The following ZNF223 variants were observed in gnomAD, a reference collection of about 807,000 sequenced individuals.
The protein encoded by ZNF223 is zinc finger protein 223.
ZNF223 carries 9 observed loss-of-function variants against 12.3 expected under a neutral mutation model. The ratio of observed to expected loss-of-function variants is 0.73; its 90% CI spans 0.44 to 1.28. The LOEUF is 1.28. ZNF223 is among the 50% of genes most tolerant of loss of function. ZNF223 has a pLI of 0.00. For synonymous variants in ZNF223, 171 were observed against 195.2 expected, an observed-to-expected ratio of 0.88 and a Z score of 1.03; for missense variants, 506 against 579.0, an observed-to-expected ratio of 0.87 and a Z score of 1.29.
At chr19:44,054,537 GT>G (rs36103129) in intron 1 of ZNF223, among the ~76,000 whole-genome samples, 37 of 149,186 alleles carry the variant, frequency 2.5e-4, no homozygotes, top group South Asian at 4.2e-4. Context: ...TGCATTAACA[GT>G]TTTTTTTTTA....
chr19:44,060,595 T>C lies in ZNF223; in HGVS notation c.142+14T>C. ...TGCTGTCAGTGGGTGAGGACAGGCA[T>C]CTTCTATAAGGGAATGTCAGGCCCC... On this transcript the variant is annotated intron_variant, in intron 3 of 4. Coordinates refer to ENST00000434772, the MANE Select transcript of ZNF223 (RefSeq NM_013361.6). The C allele has an allele frequency of 6.2e-7, 1 of 1,614,050 alleles. No homozygotes were observed. The highest frequency in any genetic ancestry group is 8.5e-7 in the Non-Finnish European group (1 of 1,179,976).
chr19:44,055,213 T>TA, intron 2 of ZNF223, 22 bp downstream of exon 2: 1 of 1,613,318 alleles, frequency 6.2e-7, no homozygotes, highest in Non-Finnish European at 8.5e-7. Flanking sequence ...TTGCCTCTCT[T>TA]ACTGTTAAAA....
At chr19:44,057,240 A>G (rs539791892) in intron 2 of ZNF223, among the ~76,000 whole-genome samples, 75 of 152,274 alleles carry the variant, frequency 4.9e-4, no homozygotes, top group Non-Finnish European at 6.0e-4. Context: ...TTAGAGAGGT[A>G]GGGAAAAAAG....
At position 44,060,601 on chromosome 19, in the gene ZNF223, A is replaced by G. The variant is rs770294771; in HGVS notation, c.142+20A>G. ...CAGTGGGTGAGGACAGGCATCTTCT[A>G]TAAGGGAATGTCAGGCCCCAGGAGT... On this transcript the variant is annotated intron_variant, in intron 3 of 4. Coordinates refer to ENST00000434772, the MANE Select transcript of ZNF223 (RefSeq NM_013361.6). 24 of 1,613,868 alleles carry G rather than the reference A, an allele frequency of 1.5e-5. No individual in the cohort carries two copies. Among genetic ancestry groups the G allele is most frequent in the African/African-American group, 4.0e-5 (3 of 74,928 alleles).
At position 44,067,270 on chromosome 19, in the gene ZNF223, A is replaced by G. The variant is rs966643975; in HGVS notation, c.1442A>G (p.Asp481Gly). The change falls in exon 5 of 5, where the codon GAC (aspartate) becomes GGC (glycine). Residue 481 changes from aspartate to glycine, a missense_variant. Asp to Gly is a moderately conservative substitution (Grantham distance 94, BLOSUM62 -1). Transcript: ENST00000434772. Reference sequence around the variant, plus strand: ...ATAATTTTATCATTATTTTTAAATGACACGTAAGTGTTGTACATATTTATG... The same window carrying G: ...ATAATTTTATCATTATTTTTAAATGGCACGTAAGTGTTGTACATATTTATG... ...LDIILSLFLN[D>G]T 2 of 1,606,766 alleles carry G rather than the reference A, an allele frequency of 1.2e-6. No individual in the cohort carries two copies. Among genetic ancestry groups the G allele is most frequent in the African/African-American group, 1.3e-5 (1 of 74,444 alleles).
rs777872563 is a variant in ZNF223 at position 44,060,746 on chromosome 19, C to T, written c.143-3C>T. 3.7e-6 allele frequency: 6 copies of T among 1,612,688 alleles called. No individual in the cohort carries two copies. The East Asian group carries it at 1.3e-4, about 36-fold the overall frequency. Reference sequence around the variant, plus strand: ...TTAAGCATGTGACTTTTCCTGTTTACAGGGCATCAACCATTCCACCGAGAT... The same window carrying T: ...TTAAGCATGTGACTTTTCCTGTTTATAGGGCATCAACCATTCCACCGAGAT... On this transcript the variant is annotated splice_region_variant and splice_polypyrimidine_tract_variant and intron_variant, in intron 3 of 4. Coordinates refer to ENST00000434772, the MANE Select transcript of ZNF223 (RefSeq NM_013361.6).
intron 1 of ZNF223, among the ~76,000 whole-genome samples, chr19:44,054,546 T>G (rs1237291234): frequency 6.6e-6 from 1 of 152,178 alleles, no homozygotes; most frequent in East Asian, 1.9e-4. Flanking sequence ...AGTTTTTTTT[T>G]TAAACTCTAG....
At chr19:44,055,073 T>TCATGTCTCTTTTTCTGTCTTCATGG (rs769663667) in intron 1 of ZNF223, 36 bp from the exon 2 acceptor site, 16 of 1,195,306 alleles carry the variant, frequency 1.3e-5, no homozygotes, top group Non-Finnish European at 1.8e-5. Context: ...GGCCACCCTT[T>TCATGTCTCTTTTTCTGTCTTCATGG]CATGTCTCTT....
intron 4 of ZNF223, among the ~76,000 whole-genome samples, chr19:44,063,790 C>A (rs906048094): frequency 6.6e-6 from 1 of 152,154 alleles, no homozygotes; most frequent in Non-Finnish European, 1.5e-5. Flanking sequence ...CAGCTGAAAT[C>A]TTTTATGGTC....
In ZNF223 at chr19:44,066,625, G is replaced by A; in HGVS notation, c.797G>A (p.Gly266Glu). Residue 266 changes from glycine (G) to glutamate (E), a missense_variant, in exon 5 of 5, where the codon GGG (glycine) becomes GAG (glutamate). Gly to Glu is a moderately conservative substitution (Grantham distance 98). Transcript: ENST00000434772. The part of the protein sequence containing the change: ...GEKHYNCEAC[G>E]RAFIHDFQLQ... ...AAACATTATAATTGTGAGGCATGTG[G>A]GAGGGCCTTCATTCATGATTTCCAG... 6.2e-7 allele frequency: 1 copy of A among 1,614,086 alleles called. No individual in the cohort carries two copies. Among genetic ancestry groups the A allele is most frequent in the Non-Finnish European group, 8.5e-7 (1 of 1,180,022 alleles).
At position 44,060,574 on chromosome 19, in the gene ZNF223, G is replaced by A; in HGVS notation, c.135G>A (p.Leu45=). The change falls in exon 3 of 5, where the codon CTG becomes CTA. Residue 45 remains leucine, a synonymous_variant. Transcript: ENST00000434772. ...DVMLENFRNL[L]SVGHQPFHRD... is the part of the protein sequence containing the mutation. The stretch of plus-strand genomic sequence containing the variant: ...TGCTGGAGAACTTCAGGAACCTGCT[G>A]TCAGTGGGTGAGGACAGGCATCTTC... 6.2e-7 allele frequency: 1 copy of A among 1,614,162 alleles called. No homozygotes were observed. Among genetic ancestry groups the A allele is most frequent in the Non-Finnish European group, 8.5e-7 (1 of 1,180,014 alleles).
At chr19:44,062,698 C>A (rs574728970) in intron 4 of ZNF223, among the ~76,000 whole-genome samples, 1 of 152,006 alleles carries the variant, frequency 6.6e-6, no homozygotes, top group Admixed American at 6.6e-5. Flanking sequence ...TGGGACCTAC[C>A]CTGGAGCTTT....
rs1211629572 is a variant in ZNF223 at position 44,066,091 on chromosome 19, C to G, written c.263C>G (p.Thr88Ser). ...GGCAAGATCCAACCTGAGATGAAGA[C>G]TTTTCCAGAAGCAGGACCACATGAA... The part of the protein sequence containing the change: ...SGGKIQPEMK[T>S]FPEAGPHEGW... The change falls in exon 5 of 5, where the codon ACT becomes AGT. Residue 88 changes from threonine to serine, a missense_variant. Coordinates refer to ENST00000434772, the MANE Select transcript of ZNF223 (RefSeq NM_013361.6). The G allele has an allele frequency of 1.9e-6, 3 of 1,600,576 alleles. No homozygotes were observed. The highest frequency in any genetic ancestry group is 1.4e-5 in the African/African-American group (1 of 73,974).
rs975678865 is a variant in ZNF223 at position 44,066,607 on chromosome 19, A to G, written c.779A>G (p.Tyr260Cys). 6 of 1,613,988 alleles carry G rather than the reference A, an allele frequency of 3.7e-6. No homozygotes were observed. The highest frequency in any genetic ancestry group is 4.2e-6 in the Non-Finnish European group (5 of 1,180,014). ...HCKLHMGEKH[Y>C]NCEACGRAFI... ...AAATTACACATGGGAGAGAAACATT[A>G]TAATTGTGAGGCATGTGGGAGGGCC... Residue 260 changes from tyrosine to cysteine, a missense_variant, in exon 5 of 5, where the codon TAT becomes TGT. Transcript: ENST00000434772.
chr19:44,053,417 T>C (rs1976726210), intron 1 of ZNF223, among the ~76,000 whole-genome samples: 1 of 152,214 alleles, frequency 6.6e-6, no homozygotes, highest in Non-Finnish European at 1.5e-5. Flanking sequence ...AAAGGAGTTG[T>C]GCCTGGATGT....
chr19:44,060,491 A>T lies in ZNF223; in HGVS notation c.52A>T (p.Thr18Ser). The part of the protein sequence containing the change: ...VTFKDVAVVF[T>S]EEELGLLDLA... ...CTTCAAGGATGTGGCAGTGGTCTTC[A>T]CTGAGGAGGAGCTGGGGCTGCTGGA... The change falls in exon 3 of 5, where the codon ACT becomes TCT. Residue 18 changes from threonine to serine, a missense_variant. Thr to Ser is a moderately conservative substitution (Grantham distance 58, BLOSUM62 1). Coordinates refer to ENST00000434772, the MANE Select transcript of ZNF223 (RefSeq NM_013361.6). 6.2e-7 allele frequency: 1 copy of T among 1,614,104 alleles called. No homozygotes were observed.
At chr19:44,060,985 C>T (rs545730578) in intron 4 of ZNF223, 144 bp downstream of exon 4, 21 of 733,866 alleles carry the variant, frequency 2.9e-5, no homozygotes, top group Admixed American at 2.2e-4. Context: ...GGCCCTGCTC[C>T]GTGCCTTCCC....
intron 2 of ZNF223, among the ~76,000 whole-genome samples, chr19:44,058,384 A>C (rs1398104872): frequency 6.6e-6 from 1 of 152,152 alleles, no homozygotes; most frequent in Non-Finnish European, 1.5e-5. Flanking sequence ...ATCTCTGCCA[A>C]CTTCATGGAA....
intron 2 of ZNF223, among the ~76,000 whole-genome samples, chr19:44,058,742 C>T (rs879264156): frequency 3.9e-5 from 6 of 152,206 alleles, no homozygotes; most frequent in Admixed American, 2.0e-4. Context: ...AGGCAGTGGC[C>T]GTGGAATAAA....
Sources: gnomAD v4.1 joint callset for allele counts (sites outside exome capture counted in the v4.1 genomes callset) on GRCh38, gnomAD v4.1.1 for gene constraint, MANE v1.5 for transcripts, NCBI Gene and HGNC (gene_info 2026-07-23, HGNC 2026-07-21) for gene names.